The following NRXN3 variants were observed in gnomAD, a reference collection of about 807,000 sequenced individuals.
The protein encoded by NRXN3 is neurexin 3.
A neutral mutation model predicts 137.6 loss-of-function variants in NRXN3; 32 were observed. That is an observed-to-expected ratio of 0.23 (90% CI 0.18 to 0.31). The LOEUF is 0.31. NRXN3 is among the 10% of genes least tolerant of loss of function. NRXN3 has a pLI of 1.00. For missense variants in NRXN3, 1,574 were observed against 2,062.5 expected, an observed-to-expected ratio of 0.76 and a Z score of 4.59; for synonymous variants, 798 against 784.5, an observed-to-expected ratio of 1.02 and a Z score of -0.29.
At chr14:79,055,699 A>G (rs2099659119) in intron 15 of NRXN3, among the ~76,000 whole-genome samples, 1 of 152,214 alleles carries the variant, frequency 6.6e-6, no homozygotes, top group South Asian at 2.1e-4. Context: ...AAATGGAAGG[A>G]TCATCATACC....
intron 1 of NRXN3, among the ~76,000 whole-genome samples, chr14:78,218,904 A>C (rs2063554140): frequency 6.6e-6 from 1 of 152,178 alleles, no homozygotes; most frequent in African/African-American, 2.4e-5. Flanking sequence ...TAGAGGTTGA[A>C]GTCCAAGGTT....
At chr14:78,515,899 T>C (rs1171495041) in intron 4 of NRXN3, among the ~76,000 whole-genome samples, 1 of 152,168 alleles carries the variant, frequency 6.6e-6, no homozygotes, top group East Asian at 1.9e-4. Flanking sequence ...AGTCAAGAAC[T>C]TGGACTCTAG....
intron 2 of NRXN3, among the ~76,000 whole-genome samples, chr14:78,258,355 G>A (rs768091246): frequency 4.0e-5 from 6 of 151,322 alleles, no homozygotes; most frequent in South Asian, 4.2e-4. Context: ...TGATTTGGCC[G>A]TTATCCTGCC....
At chr14:79,459,630 G>A (rs906637817) in intron 15 of NRXN3, among the ~76,000 whole-genome samples, 2 of 151,784 alleles carry the variant, frequency 1.3e-5, no homozygotes, top group Admixed American at 6.6e-5. Flanking sequence ...CACAGCCCTA[G>A]CAAACTAACA....
At chr14:78,929,668 T>C (rs960883396) in intron 10 of NRXN3, among the ~76,000 whole-genome samples, 6 of 152,178 alleles carry the variant, frequency 3.9e-5, no homozygotes, top group African/African-American at 1.4e-4. Flanking sequence ...CATGCATGTG[T>C]CTTTATAATA....
intron 16 of NRXN3, among the ~76,000 whole-genome samples, chr14:79,522,923 C>T (rs2097081964): frequency 6.6e-6 from 1 of 152,166 alleles, no homozygotes. Context: ...GGCAAATTTA[C>T]ATTCTATCAC....
At chr14:78,657,699 A>AGAAC (rs2097795889) in intron 6 of NRXN3, among the ~76,000 whole-genome samples, 1 of 152,204 alleles carries the variant, frequency 6.6e-6, no homozygotes. Context: ...ATAACTTTAC[A>AGAAC]TTTTATAGAA....
intron 8 of NRXN3, among the ~76,000 whole-genome samples, chr14:78,783,391 C>T (rs1027670856): frequency 6.6e-6 from 1 of 152,084 alleles, no homozygotes; most frequent in African/African-American, 2.4e-5. Flanking sequence ...CAACAAAAGA[C>T]TGAGGAACTA....
intron 10 of NRXN3, among the ~76,000 whole-genome samples, chr14:78,893,183 C>T (rs571881982): frequency 2.0e-5 from 3 of 151,954 alleles, no homozygotes; most frequent in Admixed American, 6.6e-5. Context: ...CCACACCCTG[C>T]GCAAGCTCAT....
chr14:79,384,890 G>T (rs1025034893), intron 15 of NRXN3, among the ~76,000 whole-genome samples: 5 of 152,080 alleles, frequency 3.3e-5, no homozygotes, highest in African/African-American at 9.7e-5. Flanking sequence ...TGGAACAATC[G>T]CTGCTGTATA....
intron 4 of NRXN3, among the ~76,000 whole-genome samples, chr14:78,406,903 A>T (rs1423402140): frequency 2.0e-5 from 3 of 152,160 alleles, no homozygotes; most frequent in Non-Finnish European, 2.9e-5. Context: ...CTGAGGCTGC[A>T]TATACCCTGC....
At chr14:79,231,474 A>G (rs2072187018) in intron 15 of NRXN3, among the ~76,000 whole-genome samples, 1 of 152,176 alleles carries the variant, frequency 6.6e-6, no homozygotes, top group South Asian at 2.1e-4. Context: ...CCCATTTAGT[A>G]GTTGACTTTG....
chr14:79,194,118 G>A (rs1389618044), intron 15 of NRXN3, among the ~76,000 whole-genome samples: 1 of 152,182 alleles, frequency 6.6e-6, no homozygotes, highest in African/African-American at 2.4e-5. Context: ...GGGAGAAATA[G>A]AAACTTTTAA....
chr14:78,281,691 G>A (rs1422671428), intron 3 of NRXN3, among the ~76,000 whole-genome samples: 4 of 152,166 alleles, frequency 2.6e-5, no homozygotes, highest in Non-Finnish European at 4.4e-5. Flanking sequence ...GCCCAGCTCT[G>A]ACATTCTCTT....
At chr14:78,578,231 A>G (rs2096956554) in intron 4 of NRXN3, among the ~76,000 whole-genome samples, 1 of 152,194 alleles carries the variant, frequency 6.6e-6, no homozygotes, top group South Asian at 2.1e-4. Flanking sequence ...ATTTTATGTA[A>G]TTATATTAAT....
chr14:78,196,292 T>C (rs771688765), intron 1 of NRXN3, among the ~76,000 whole-genome samples: 1 of 152,258 alleles, frequency 6.6e-6, no homozygotes, highest in Non-Finnish European at 1.5e-5. Context: ...TTCTCAATCT[T>C]AGACAAGGGC....
At chr14:79,530,509 A>G (rs2097159898) in intron 16 of NRXN3, among the ~76,000 whole-genome samples, 1 of 151,638 alleles carries the variant, frequency 6.6e-6, no homozygotes, top group Non-Finnish European at 1.5e-5. Flanking sequence ...TTTCTGTACC[A>G]TCTCTATATG....
chr14:79,491,933 A>T (rs1277501540), intron 16 of NRXN3, among the ~76,000 whole-genome samples: 1 of 152,218 alleles, frequency 6.6e-6, no homozygotes, highest in Non-Finnish European at 1.5e-5. Context: ...TAAGGAGACA[A>T]TTCTCTGACA....
chr14:78,344,021 C>T (rs1020341821), intron 4 of NRXN3, among the ~76,000 whole-genome samples: 6 of 152,160 alleles, frequency 3.9e-5, no homozygotes, highest in East Asian at 1.9e-4. Flanking sequence ...TGGGTTGCAA[C>T]GTCTGCAGTG....
Sources: gnomAD v4.1 joint callset for allele counts (sites outside exome capture counted in the v4.1 genomes callset) on GRCh38, gnomAD v4.1.1 for gene constraint, MANE v1.5 for transcripts, NCBI Gene and HGNC (gene_info 2026-07-23, HGNC 2026-07-21) for gene names.